Variants in ME1 observed in about 807,000 individuals in gnomAD.
ME1 encodes the protein malic enzyme 1.
In ME1, 74 loss-of-function variants were observed where a neutral mutation model predicts 66.4. The observed-to-expected ratio is 1.11, with a 90% confidence interval of 0.92 to 1.35. ME1 has a LOEUF of 1.35. ME1 is among the 40% of genes most tolerant of loss of function. The pLI, the probability that ME1 is intolerant of heterozygous loss-of-function variation, is 0.00. For missense variants in ME1, 750 were observed against 694.1 expected (o/e 1.08, Z -0.90); for synonymous variants, 251 against 235.6 (o/e 1.07, Z -0.60).
chr6:83,398,474 G>T lies in ME1; in HGVS notation c.255C>A (p.Leu85=). The T allele has an allele frequency of 6.3e-7, 1 of 1,582,306 alleles. No homozygotes were observed. The highest frequency in any genetic ancestry group is 1.4e-5 in the African/African-American group (1 of 73,790). The change falls in exon 3 of 14, where the codon CTC becomes CTA. Residue 85 remains leucine (L), a synonymous_variant. Transcript: ENST00000369705. ...LMDLQDRNEK[L]FYRVLTSDIE... ...TGTCAGATGTCAGCACTCTATAAAA[G>T]AGTTTTTCATTTCTATCTTGGAGAT... is the stretch of plus-strand genomic sequence containing the variant.
In ME1 at chr6:83,379,713, G is replaced by A. The variant is rs538606078; in HGVS notation, c.362+18654C>T. On this transcript the variant is annotated intron_variant, in intron 3 of 13. Coordinates refer to ENST00000369705, the MANE Select transcript of ME1 (RefSeq NM_002395.6). ...CATTATTATATATTACTAAATACAT[G>A]TTATAACATTAAACCAATTATGTTC... 1.7e-4 allele frequency among the ~76,000 whole-genome samples: 26 copies of A among 152,034 alleles called. No homozygotes were observed. In the South Asian group the frequency reaches 5.2e-3, roughly 30 times the overall value.
At chr6:83,299,315 C>A (rs983403088) in intron 6 of ME1, among the ~76,000 whole-genome samples, 4 of 151,964 alleles carry the variant, frequency 2.6e-5, no homozygotes, top group African/African-American at 9.7e-5. Context: ...TGAAGAGGTC[C>A]TTCGCTTTCC....
chr6:83,216,246 T>C (rs149707652), intron 13 of ME1, among the ~76,000 whole-genome samples: 11 of 152,320 alleles, frequency 7.2e-5, no homozygotes, highest in African/African-American at 2.4e-4. Flanking sequence ...TAATGAATTA[T>C]TTAAATTTTA....
intron 3 of ME1, among the ~76,000 whole-genome samples, chr6:83,356,333 T>C (rs572699265): frequency 6.6e-6 from 1 of 152,212 alleles, no homozygotes; most frequent in African/African-American, 2.4e-5. Flanking sequence ...TATGCATTAG[T>C]GAGCCCTGTG....
At chr6:83,273,424 T>C (rs929351284) in intron 6 of ME1, among the ~76,000 whole-genome samples, 11 of 152,176 alleles carry the variant, frequency 7.2e-5, no homozygotes, top group African/African-American at 2.7e-4. Flanking sequence ...AAGACTTGTT[T>C]TTAAAAACTT....
At chr6:83,292,245 T>C (rs930624894) in intron 6 of ME1, among the ~76,000 whole-genome samples, 3 of 152,206 alleles carry the variant, frequency 2.0e-5, no homozygotes, top group Non-Finnish European at 4.4e-5. Flanking sequence ...TTTCTACACA[T>C]CTTTGTGGTT....
At chr6:83,252,690 C>G (rs987684698) in intron 7 of ME1, among the ~76,000 whole-genome samples, 4 of 152,008 alleles carry the variant, frequency 2.6e-5, no homozygotes, top group African/African-American at 9.7e-5. Context: ...TGAGTATATA[C>G]CTAAGAACAT....
chr6:83,266,576 T>A (rs16882847), intron 6 of ME1, among the ~76,000 whole-genome samples: 1 of 152,216 alleles, frequency 6.6e-6, no homozygotes, highest in Admixed American at 6.5e-5. Context: ...TAATCAAAAT[T>A]AAATACTAAT....
At position 83,239,628 on chromosome 6, in the gene ME1, A is replaced by G; in HGVS notation, c.823T>C (p.Ser275Pro). The G allele has an allele frequency of 1.2e-6, 2 of 1,609,836 alleles. No individual in the cohort carries two copies. The highest frequency in any genetic ancestry group is 1.7e-6 in the Non-Finnish European group (2 of 1,176,200). Residue 275 changes from serine to proline, a missense_variant, in exon 8 of 14, where the codon TCT (serine) becomes CCT (proline). Ser to Pro is a moderately conservative substitution (Grantham distance 74). Transcript: ENST00000369705. ...TFNDDIQGTA[S>P]VAVAGLLAAL... ...GCAAGGAGACCTGCAACTGCAACAG[A>G]TGCTGTTCCTGAAACAAGTAATAAA...
intron 3 of ME1, among the ~76,000 whole-genome samples, chr6:83,353,359 T>C (rs1325416116): frequency 2.0e-5 from 3 of 152,216 alleles, no homozygotes; most frequent in Non-Finnish European, 4.4e-5. Context: ...AATGGTGATA[T>C]TCCAATTGTA....
chr6:83,219,547 G>C (rs1365202178), intron 12 of ME1, among the ~76,000 whole-genome samples: 1 of 152,118 alleles, frequency 6.6e-6, no homozygotes, highest in Non-Finnish European at 1.5e-5. Flanking sequence ...ACCACAGACA[G>C]TGTCTGTCAG....
At chr6:83,389,480 C>A (rs953332735) in intron 3 of ME1, among the ~76,000 whole-genome samples, 1 of 151,848 alleles carries the variant, frequency 6.6e-6, no homozygotes. Context: ...ACCAAAAAAA[C>A]AGATCAAGCA....
chr6:83,246,770 A>T (rs532532324), intron 7 of ME1, among the ~76,000 whole-genome samples: 1 of 152,198 alleles, frequency 6.6e-6, no homozygotes, highest in African/African-American at 2.4e-5. Flanking sequence ...GCATGTTTTT[A>T]GGTTTTTGAC....
intron 6 of ME1, among the ~76,000 whole-genome samples, chr6:83,311,237 G>C (rs778124091): frequency 2.0e-5 from 3 of 152,128 alleles, no homozygotes; most frequent in African/African-American, 4.8e-5. Context: ...TACCCCAAAG[G>C]AGCCACAAGA....
rs530545381 is a variant in ME1 at position 83,386,414 on chromosome 6, A to T, written c.362+11953T>A. On this transcript the variant is annotated intron_variant, in intron 3 of 13. Transcript: ENST00000369705. ...TAAGGATTCTAAAGTAGTTTAATTT[A>T]AAAAAGGCAAATCCAATTAAAAATA... 4.7e-4 allele frequency among the ~76,000 whole-genome samples: 72 copies of T among 152,130 alleles called. 2 individuals carry two copies. Among genetic ancestry groups the T allele is most frequent in the African/African-American group, 1.7e-3 (70 of 41,414 alleles).
chr6:83,300,144 G>A (rs1767687453), intron 6 of ME1, among the ~76,000 whole-genome samples: 2 of 152,088 alleles, frequency 1.3e-5, no homozygotes, highest in South Asian at 2.1e-4. Flanking sequence ...AAGCAATGGG[G>A]AGAGGACTCC....
chr6:83,296,133 A>G (rs545313208), intron 6 of ME1, among the ~76,000 whole-genome samples: 1 of 152,288 alleles, frequency 6.6e-6, no homozygotes, highest in Non-Finnish European at 1.5e-5. Flanking sequence ...TATTCCAAAA[A>G]TTTGAGGAGA....
intron 6 of ME1, among the ~76,000 whole-genome samples, chr6:83,273,974 A>G (rs1767131262): frequency 6.6e-6 from 1 of 152,036 alleles, no homozygotes; most frequent in African/African-American, 2.4e-5. Flanking sequence ...TTGATTCACT[A>G]TGTTTGGCCC....
At chr6:83,319,915 A>T (rs1475044464) in intron 5 of ME1, among the ~76,000 whole-genome samples, 1 of 152,194 alleles carries the variant, frequency 6.6e-6, no homozygotes, top group African/African-American at 2.4e-5. Flanking sequence ...TGTATGTTTG[A>T]TATGTGGGAA....
Sources: allele counts gnomAD v4.1 joint callset (sites outside exome capture counted in the v4.1 genomes callset), GRCh38; gene constraint gnomAD v4.1.1; transcripts MANE v1.5; gene names NCBI Gene and HGNC (gene_info 2026-07-23, HGNC 2026-07-21).